Variants in TCTN1 observed in about 807,000 individuals in gnomAD.
TCTN1 encodes tectonic family member 1.
In TCTN1, 58 loss-of-function variants were observed where a neutral mutation model predicts 65.8. That is an observed-to-expected ratio of 0.88 (90% CI 0.71 to 1.10). The LOEUF (loss-of-function observed/expected upper bound fraction) is 1.10, where lower values mean the gene tolerates loss of function less well. Ranked by LOEUF, TCTN1 falls within the 50% of genes least tolerant of loss-of-function variation. The pLI, the probability that TCTN1 is intolerant of heterozygous loss-of-function variation, is 0.00. For synonymous variants in TCTN1, 273 were observed against 289.1 expected (o/e 0.94, Z 0.57); for missense variants, 645 against 719.4 (o/e 0.90, Z 1.18).
intron 4 of TCTN1, 64 bp downstream of exon 4, chr12:110,628,982 T>G (rs1461828849): frequency 3.1e-6 from 5 of 1,598,728 alleles, no homozygotes; most frequent in Admixed American, 3.3e-5. Flanking sequence ...TAAGTTAATT[T>G]TCAAGGTTAC....
At chr12:110,636,921 G>A (rs961531705) in intron 7 of TCTN1, among the ~76,000 whole-genome samples, 11 of 152,212 alleles carry the variant, frequency 7.2e-5, no homozygotes, top group South Asian at 2.1e-4. Context: ...CGTGCCCCGT[G>A]GTATACCTTC....
chr12:110,615,542 G>A (rs1184641028), intron 1 of TCTN1, among the ~76,000 whole-genome samples: 4 of 152,062 alleles, frequency 2.6e-5, no homozygotes, highest in African/African-American at 4.8e-5. Context: ...GTGCAGTGGC[G>A]TGATTATATC....
In TCTN1 at chr12:110,628,853, T is replaced by C. The variant is rs376935369; in HGVS notation, c.559T>C (p.Leu187=). The C allele has an allele frequency of 3.2e-5, 51 of 1,613,606 alleles. No individual in the cohort carries two copies. The highest frequency in any genetic ancestry group is 9.3e-5 in the African/African-American group (7 of 74,920). The change falls in exon 4 of 15, where the codon TTG becomes CTG. Residue 187 remains leucine, a synonymous_variant. Transcript: ENST00000397659. ...GATGAAAACATCTGATGGTTTTACA[T>C]TGAATGCTGAATCATATGTTTCCTT... ...TLMKTSDGFT[L]NAESYVSFTT...
Position 110,640,998 on chromosome 12 carries a change from T to C in TCTN1, c.979-26T>C. On this transcript the variant is annotated intron_variant, in intron 8 of 14. Coordinates refer to ENST00000397659, the MANE Select transcript of TCTN1 (RefSeq NM_001082538.3). This position sits in a 1 kb window ranked among gnomAD's most constrained non-coding sequence, Gnocchi z 4.9. ...CTTCTGAAATGTAATGGAACAGGTATATTTGGAGTATCATTTTGTTTTTAG... is the reference window on the plus strand; with the variant it reads ...CTTCTGAAATGTAATGGAACAGGTACATTTGGAGTATCATTTTGTTTTTAG... The C allele has an allele frequency of 1.2e-6, 2 of 1,614,090 alleles. No homozygotes were observed. Among genetic ancestry groups the C allele is most frequent in the Non-Finnish European group, 1.7e-6 (2 of 1,179,942 alleles).
chr12:110,629,951 A>T (rs1040543638), intron 4 of TCTN1: 6 of 152,154 alleles, frequency 3.9e-5, no homozygotes, highest in African/African-American at 1.4e-4. Flanking sequence ...GGAAACCATC[A>T]TTCTCAGCAA....
At chr12:110,628,067 G>A in intron 3 of TCTN1, 1 of 1,535,888 alleles carries the variant, frequency 6.5e-7, no homozygotes, top group South Asian at 1.2e-5. Context: ...TTTACTCCAG[G>A]ACTTTCACGG....
At chr12:110,619,656 C>A (rs2065280255) in intron 1 of TCTN1, among the ~76,000 whole-genome samples, 180 bp from the exon 2 acceptor site, 1 of 152,158 alleles carries the variant, frequency 6.6e-6, no homozygotes, top group South Asian at 2.1e-4. Context: ...TTGGGGAAAC[C>A]TCTGATTGTG....
chr12:110,629,070 T>A (rs547233058), intron 4 of TCTN1, 152 bp downstream of exon 4: 23 of 841,070 alleles, frequency 2.7e-5, no homozygotes, highest in Non-Finnish European at 4.1e-5. Context: ...AAATCAAAGA[T>A]CATGAAAATT....
In TCTN1 at chr12:110,642,221, G is replaced by A. The variant is rs769157998; in HGVS notation, c.1191-28G>A. On this transcript the variant is annotated intron_variant, in intron 10 of 14. Coordinates refer to ENST00000397659, the MANE Select transcript of TCTN1 (RefSeq NM_001082538.3). ...TGAGAACCAGGCTGCTCTAGCACTA[G>A]GCAGTTGTCCCTTAACTGTCTGTGA... 50 of 1,613,890 alleles carry A rather than the reference G, an allele frequency of 3.1e-5. No individual in the cohort carries two copies. In the East Asian group the frequency reaches 1.1e-3, roughly 36 times the overall value.
At position 110,639,625 on chromosome 12, in the gene TCTN1, A is replaced by G. The variant is rs915468496; in HGVS notation, c.844-758A>G. Among the ~76,000 whole-genome samples the G allele has an allele frequency of 6.6e-6, 1 of 151,894 alleles. No individual in the cohort carries two copies. The highest frequency in any genetic ancestry group is 2.4e-5 in the African/African-American group (1 of 41,342). On this transcript the variant is annotated intron_variant, in intron 7 of 14. Coordinates refer to ENST00000397659, the MANE Select transcript of TCTN1 (RefSeq NM_001082538.3). This position sits in a 1 kb window ranked among gnomAD's most constrained non-coding sequence, Gnocchi z 4.9. ...TAGGAGTTGTGTTTTGGAGGTGAGGATATATATGTGTGCTTGACAGTGTGA... is the reference window on the plus strand; with the variant it reads ...TAGGAGTTGTGTTTTGGAGGTGAGGGTATATATGTGTGCTTGACAGTGTGA...
chr12:110,621,184 G>C (rs2135922090), intron 2 of TCTN1, among the ~76,000 whole-genome samples: 1 of 152,272 alleles, frequency 6.6e-6, no homozygotes, highest in Non-Finnish European at 1.5e-5. Flanking sequence ...TTCAGAGATA[G>C]CTAATTTAAA....
chr12:110,615,302 ATGACTG>A (rs2064961177), intron 1 of TCTN1, among the ~76,000 whole-genome samples: 1 of 152,156 alleles, frequency 6.6e-6, no homozygotes, highest in African/African-American at 2.4e-5. Flanking sequence ...ACTTCACTGA[ATGACTG>A]TGACCCGCTA....
At chr12:110,642,038 C>T (rs1384829279) in intron 10 of TCTN1, 4 of 621,354 alleles carry the variant, frequency 6.4e-6, no homozygotes, top group South Asian at 2.0e-5. Flanking sequence ...TTTCAAAGGG[C>T]CAGTTTCTGA....
chr12:110,617,588 G>A (rs1195793552), intron 1 of TCTN1, among the ~76,000 whole-genome samples: 1 of 151,630 alleles, frequency 6.6e-6, no homozygotes, highest in Non-Finnish European at 1.5e-5. Flanking sequence ...CAGCCTTCCA[G>A]AGTGCTAGGA....
At chr12:110,632,349 G>GT (rs1411751465) in intron 4 of TCTN1, 123 bp from the exon 5 acceptor site, 12 of 955,956 alleles carry the variant, frequency 1.3e-5, no homozygotes, top group Non-Finnish European at 1.9e-5. Context: ...GACCACATCT[G>GT]TTTTTTGCTC....
At chr12:110,624,583 CTTTT>C (rs763826656) in intron 2 of TCTN1, among the ~76,000 whole-genome samples, 2 of 133,132 alleles carry the variant, frequency 1.5e-5, no homozygotes, top group Non-Finnish European at 1.6e-5. Flanking sequence ...CTCATAACTT[CTTTT>C]TTTTTTTTTT....
chr12:110,615,488 T>C (rs1289439226), intron 1 of TCTN1, among the ~76,000 whole-genome samples: 1 of 152,142 alleles, frequency 6.6e-6, no homozygotes, highest in Non-Finnish European at 1.5e-5. Flanking sequence ...TTTTATTCTT[T>C]TTTTGTTTTT....
intron 14 of TCTN1, 121 bp downstream of exon 14, chr12:110,648,014 C>A: frequency 6.9e-7 from 1 of 1,452,564 alleles, no homozygotes; most frequent in South Asian, 1.2e-5. Context: ...CTTTGTTGCC[C>A]AGGCTGGAGT....
chr12:110,629,725 C>T (rs931498834), intron 4 of TCTN1: 9 of 152,142 alleles, frequency 5.9e-5, no homozygotes, highest in African/African-American at 2.2e-4. Flanking sequence ...ACCATTTGAC[C>T]CAGCAATTCC....
Sources: gnomAD v4.1 joint callset for allele counts (sites outside exome capture counted in the v4.1 genomes callset) on GRCh38, gnomAD v4.1.1 for gene constraint, Gnocchi (gnomAD v3.1) non-coding constraint, MANE v1.5 for transcripts, NCBI Gene and HGNC (gene_info 2026-07-23, HGNC 2026-07-21) for gene names.